Variants in SECISBP2 observed in about 807,000 individuals in gnomAD.
SECISBP2 encodes selenocysteine insertion sequence-binding protein 2.
SECISBP2 carries 96 observed loss-of-function variants against 98.2 expected under a neutral mutation model. The ratio of observed to expected loss-of-function variants is 0.98; its 90% CI spans 0.83 to 1.16. The LOEUF (loss-of-function observed/expected upper bound fraction) is 1.16. Among genes scored for constraint, SECISBP2 ranks in the 50% most tolerant of loss-of-function variants. The probability of loss-of-function intolerance (pLI) is 0.00; values close to 1 mark genes in which losing one functional copy is unlikely to be tolerated. For missense variants in SECISBP2, 1,046 were observed against 1,022.9 expected (o/e 1.02, Z -0.31); for synonymous variants, 407 against 370.2 (o/e 1.10, Z -1.14).
At chr9:89,325,803 A>G in intron 3 of SECISBP2, 94 bp from the exon 4 acceptor site, 1 of 1,591,922 alleles carries the variant, frequency 6.3e-7, no homozygotes, top group South Asian at 1.1e-5. Flanking sequence ...CCTTTTAAAA[A>G]ATGATTGAAT....
At chr9:89,347,996 A>G (rs1830681868) in intron 11 of SECISBP2, 83 bp from the exon 12 acceptor site, 4 of 1,388,910 alleles carry the variant, frequency 2.9e-6, no homozygotes, top group Non-Finnish European at 4.0e-6. Context: ...CAAAAAGTTG[A>G]ACTTGGGCAG....
At chr9:89,365,830 G>A in the SECISBP2 span, among the ~76,000 whole-genome samples, 2 of 152,184 alleles carry the variant, frequency 1.3e-5, no homozygotes, top group East Asian at 1.9e-4. Flanking sequence ...GGCACATGCT[G>A]GACTTTTGAA....
At chr9:89,332,620 G>A (rs1335454607) in intron 5 of SECISBP2, 1 of 439,028 alleles carries the variant, frequency 2.3e-6, no homozygotes, top group Non-Finnish European at 4.1e-6. Flanking sequence ...TATGAGTAAA[G>A]CTGCTATAAA....
At chr9:89,334,982 A>G (rs761981057) in intron 7 of SECISBP2, among the ~76,000 whole-genome samples, 1 of 152,208 alleles carries the variant, frequency 6.6e-6, no homozygotes, top group Non-Finnish European at 1.5e-5. Context: ...TGGGAGGCCA[A>G]GGCGGGCAGA....
rs186724343 is a variant in SECISBP2 at position 89,346,958 on chromosome 9, G to A, written c.1512G>A (p.Pro504=). 7.6e-5 allele frequency: 122 copies of A among 1,614,110 alleles called. No individual in the cohort carries two copies. The East Asian group carries it at 1.8e-3, about 24-fold the overall frequency. ...GCCGCATGAGTCAAATGAAGACCCCGCACAATCCCTTGGACTCCAGCGCCC... is the reference window on the plus strand; with the variant it reads ...GCCGCATGAGTCAAATGAAGACCCCACACAATCCCTTGGACTCCAGCGCCC... ...RGRRMSQMKT[P]HNPLDSSAPL... is the part of the protein sequence containing the mutation. The change falls in exon 11 of 17, where the codon CCG becomes CCA. Residue 504 remains proline, a synonymous_variant. Coordinates refer to ENST00000375807, the MANE Select transcript of SECISBP2 (RefSeq NM_024077.5).
chr9:89,352,342 C>T (rs891044426), intron 14 of SECISBP2, among the ~76,000 whole-genome samples: 1 of 152,184 alleles, frequency 6.6e-6, no homozygotes, highest in Non-Finnish European at 1.5e-5. Context: ...CCACCCTGCT[C>T]TCAATAAGGT....
chr9:89,357,002 T>G (rs1588023453), intron 14 of SECISBP2: 1 of 316,670 alleles, frequency 3.2e-6, no homozygotes, highest in Non-Finnish European at 6.1e-6. Flanking sequence ...TAGAGGGTGG[T>G]GAGCCCTCGG....
At chr9:89,326,166 C>G (rs1173985241) in intron 4 of SECISBP2, 128 bp downstream of exon 4, 1 of 1,136,672 alleles carries the variant, frequency 8.8e-7, no homozygotes, top group African/African-American at 1.5e-5. Context: ...AGACCTGGGT[C>G]TGACACAGCT....
In SECISBP2 at chr9:89,350,721, A is replaced by G. The variant is rs149001849; in HGVS notation, c.1982A>G (p.Gln661Arg). ...ELVRFQDRMY[Q>R]KDPVKAKTKR... The stretch of plus-strand genomic sequence containing the variant: ...GTCCGTTTCCAAGACCGTATGTACC[A>G]GAAAGATCCAGTCAAGGCCAAGACT... Residue 661 changes from glutamine to arginine, a missense_variant, in exon 14 of 17, where the codon CAG (glutamine) becomes CGG (arginine). Coordinates refer to ENST00000375807, the MANE Select transcript of SECISBP2 (RefSeq NM_024077.5). The G allele has an allele frequency of 2.7e-5, 44 of 1,614,150 alleles. No individual in the cohort carries two copies. Among genetic ancestry groups the G allele is most frequent in the Middle Eastern group, 1.6e-4 (1 of 6,084 alleles).
intron 5 of SECISBP2, among the ~76,000 whole-genome samples, chr9:89,330,751 G>C (rs1235553708): frequency 6.6e-6 from 1 of 152,188 alleles, no homozygotes; most frequent in Admixed American, 6.5e-5. Flanking sequence ...GGGTTTGTGC[G>C]GTGGCTGAAT....
Position 89,332,915 on chromosome 9 carries a change from T to C in SECISBP2, c.809T>C (p.Ile270Thr), listed in dbSNP as rs758016306. 1 of 1,613,428 alleles carries C rather than the reference T, an allele frequency of 6.2e-7. No individual in the cohort carries two copies. Among genetic ancestry groups the C allele is most frequent in the Non-Finnish European group, 8.5e-7 (1 of 1,179,482 alleles). The stretch of plus-strand genomic sequence containing the variant: ...AATGTGTTTGCTTTTTAGGGTGAAA[T>C]AGTGGTGAAAAATAACCCAAATGAA... ...KPAAVLSKGE[I>T]VVKNNPNESV... The change falls in exon 6 of 17, where the codon ATA (isoleucine) becomes ACA (threonine). Residue 270 changes from isoleucine (I) to threonine (T), a missense_variant. By Grantham distance (89) the Ile-to-Thr change is moderately conservative (BLOSUM62 -1). Transcript: ENST00000375807.
At chr9:89,354,144 C>T (rs1293218852) in intron 14 of SECISBP2, among the ~76,000 whole-genome samples, 1 of 152,220 alleles carries the variant, frequency 6.6e-6, no homozygotes, top group Non-Finnish European at 1.5e-5. Context: ...GTAGTTGGCC[C>T]TTGCCACACG....
downstream of SECISBP2, among the ~76,000 whole-genome samples, chr9:89,360,508 T>C (rs1237870027): frequency 6.6e-6 from 1 of 152,216 alleles, no homozygotes; most frequent in African/African-American, 2.4e-5. Context: ...TAGAGCTCTC[T>C]AGTTCTGTGA....
rs754993625 is a variant in SECISBP2, at chr9:89,328,710, G to A, written c.625G>A (p.Val209Ile). 6.2e-7 allele frequency: 1 copy of A among 1,614,180 alleles called. No homozygotes were observed. The highest frequency in any genetic ancestry group is 1.7e-5 in the Admixed American group (1 of 60,022). The change falls in exon 5 of 17, where the codon GTA (valine) becomes ATA (isoleucine). Residue 209 changes from valine to isoleucine, a missense_variant. By Grantham distance (29) the Val-to-Ile change is conservative. Coordinates refer to ENST00000375807, the MANE Select transcript of SECISBP2 (RefSeq NM_024077.5). ...GAAATCCAGAATCATTGCAAAAAAT[G>A]TATCTACCTCCAAACCTGAGTTTGA... ...DRKSRIIAKN[V>I]STSKPEFEFT...
intron 16 of SECISBP2, 37 bp downstream of exon 16, chr9:89,358,228 T>C: frequency 6.3e-7 from 1 of 1,582,006 alleles, no homozygotes. Flanking sequence ...AGGTCGAGTG[T>C]CCTCTTATTT....
chr9:89,325,287 G>A, intron 2 of SECISBP2, 140 bp from the exon 3 acceptor site: 1 of 751,382 alleles, frequency 1.3e-6, no homozygotes, highest in South Asian at 1.8e-5. Context: ...ATTTTATTTG[G>A]CTTTTAATTA....
chr9:89,347,099 A>G, intron 11 of SECISBP2, 51 bp downstream of exon 11: 3 of 1,566,088 alleles, frequency 1.9e-6, no homozygotes, highest in Non-Finnish European at 2.6e-6. Context: ...TTAGTCTCAC[A>G]TTTCCATAGT....
At chr9:89,333,671 T>C (rs1031807271) in intron 6 of SECISBP2, among the ~76,000 whole-genome samples, 1 of 152,230 alleles carries the variant, frequency 6.6e-6, no homozygotes, top group Admixed American at 6.5e-5. Flanking sequence ...GCAAGGGTCA[T>C]GGGAGCCTCC....
chr9:89,362,224 C>T, downstream of SECISBP2: 1 of 1,041,466 alleles, frequency 9.6e-7, no homozygotes, highest in Non-Finnish European at 1.4e-6. Flanking sequence ...GGGTTCCAGG[C>T]TTCTCCACTG....
Sources: gnomAD v4.1 joint callset for allele counts (sites outside exome capture counted in the v4.1 genomes callset) on GRCh38, gnomAD v4.1.1 for gene constraint, MANE v1.5 for transcripts, NCBI Gene and HGNC (gene_info 2026-07-23, HGNC 2026-07-21) for gene names.